TCAIM: variants seen among roughly 807,000 people sequenced by gnomAD.
TCAIM encodes the protein T-cell activation inhibitor, mitochondrial.
TCAIM carries 36 observed loss-of-function variants against 58.6 expected under a neutral mutation model. That is an observed-to-expected ratio of 0.61 (90% CI 0.47 to 0.81). The LOEUF (loss-of-function observed/expected upper bound fraction) is 0.81, where lower values mean the gene tolerates loss of function less well. Among genes scored for constraint, TCAIM ranks in the 30% least tolerant of loss-of-function variants. The pLI, the probability that TCAIM is intolerant of heterozygous loss-of-function variation, is 0.00. For synonymous variants in TCAIM, 172 were observed against 193.6 expected (o/e 0.89, Z 0.93); for missense variants, 466 against 579.6 (o/e 0.80, Z 2.01).
At chr3:44,376,024 G>A (rs548468002) in intron 5 of TCAIM, among the ~76,000 whole-genome samples, 149 of 152,292 alleles carry the variant, frequency 9.8e-4, no homozygotes, top group Middle Eastern at 3.4e-3. Context: ...TACTTACTAC[G>A]ACATGGATGA....
At chr3:44,340,071 A>G (rs1037831541) in intron 1 of TCAIM, 1 of 152,202 alleles carries the variant, frequency 6.6e-6, no homozygotes, top group South Asian at 2.1e-4. Flanking sequence ...CTATGTAAGA[A>G]TTTATCTGAA....
intron 4 of TCAIM, among the ~76,000 whole-genome samples, chr3:44,363,274 G>A (rs1380848573): frequency 1.3e-5 from 2 of 152,114 alleles, no homozygotes; most frequent in African/African-American, 4.8e-5. Flanking sequence ...GTTTTGATTT[G>A]TATACCACAT....
chr3:44,372,873 T>C (rs548810886), intron 5 of TCAIM, among the ~76,000 whole-genome samples: 2 of 152,258 alleles, frequency 1.3e-5, no homozygotes, highest in Non-Finnish European at 2.9e-5. Context: ...GGATTACAGG[T>C]GTGAGCCACT....
intron 6 of TCAIM, among the ~76,000 whole-genome samples, chr3:44,395,155 C>A (rs1415532301): frequency 6.6e-6 from 1 of 151,118 alleles, no homozygotes; most frequent in Non-Finnish European, 1.5e-5. Context: ...CCATTTTTAA[C>A]AAAAACAGCA....
At chr3:44,361,129 C>T (rs566739173) in intron 3 of TCAIM, among the ~76,000 whole-genome samples, 9 of 152,272 alleles carry the variant, frequency 5.9e-5, no homozygotes, top group Middle Eastern at 3.4e-3. Flanking sequence ...ACCATGTTTT[C>T]TTCTATTACT....
chr3:44,383,278 T>C (rs1310435999), intron 5 of TCAIM, among the ~76,000 whole-genome samples: 1 of 152,206 alleles, frequency 6.6e-6, no homozygotes, highest in African/African-American at 2.4e-5. Context: ...TTATTCACAA[T>C]AGCCAAAAGG....
At chr3:44,347,818 G>A (rs1470484427) in intron 1 of TCAIM, among the ~76,000 whole-genome samples, 1 of 152,082 alleles carries the variant, frequency 6.6e-6, no homozygotes, top group Non-Finnish European at 1.5e-5. Flanking sequence ...GGATGGTAAG[G>A]GGGTGCATGA....
intron 5 of TCAIM, among the ~76,000 whole-genome samples, chr3:44,380,672 A>G (rs1208941651): frequency 6.6e-6 from 1 of 152,164 alleles, no homozygotes; most frequent in Non-Finnish European, 1.5e-5. Flanking sequence ...TAGATATTAG[A>G]TAAACAAAAT....
intron 3 of TCAIM, among the ~76,000 whole-genome samples, chr3:44,360,405 A>G (rs916091832): frequency 6.6e-5 from 10 of 152,000 alleles, no homozygotes; most frequent in Admixed American, 5.9e-4. Flanking sequence ...ATCGAACTCA[A>G]AGTCCAGGGT....
At chr3:44,376,320 A>G (rs7629786) in intron 5 of TCAIM, among the ~76,000 whole-genome samples, 1,744 of 152,334 alleles carry the variant, frequency 0.011, 36 homozygotes, top group African/African-American at 0.04. Context: ...CAACAAAGCC[A>G]TTTTTAAAAA....
chr3:44,352,919 ACTT>A (rs1193472080), intron 1 of TCAIM, among the ~76,000 whole-genome samples: 41 of 101,368 alleles, frequency 4.0e-4, no homozygotes, highest in African/African-American at 1.2e-3. Flanking sequence ...TTTCAGATTG[ACTT>A]CTTTTTTTTT....
chr3:44,401,022 G>T, intron 9 of TCAIM, 181 bp from the exon 10 acceptor site: 2 of 844,910 alleles, frequency 2.4e-6, no homozygotes, highest in Non-Finnish European at 3.5e-6. Flanking sequence ...CAAGTAGGTC[G>T]TGATCTTCTG....
chr3:44,401,217 C>T lies in TCAIM; in HGVS notation c.1133C>T (p.Pro378Leu), dbSNP rs78688197. The T allele has an allele frequency of 6.2e-6, 10 of 1,613,722 alleles. No individual in the cohort carries two copies. In the African/African-American group the frequency reaches 1.3e-4, roughly 22 times the overall value. ...TTTTATTGCAGTGACAGATATGCTCCAAGCTTGCATGAACTCGGGCATTTT... is the reference window on the plus strand; with the variant it reads ...TTTTATTGCAGTGACAGATATGCTCTAAGCTTGCATGAACTCGGGCATTTT... Reference protein sequence around the residue: ...QMILNSDRYAPSLHELGHFNI... With the variant: ...QMILNSDRYALSLHELGHFNI... The change falls in exon 10 of 11, where the codon CCA becomes CTA. Residue 378 changes from proline (P) to leucine (L), a missense_variant. Coordinates refer to ENST00000342649, the MANE Select transcript of TCAIM (RefSeq NM_173826.4).
intron 4 of TCAIM, chr3:44,362,377 T>C: frequency 2.5e-6 from 1 of 400,840 alleles, no homozygotes; most frequent in Non-Finnish European, 4.4e-6. Context: ...GCCACTCACA[T>C]GGAAGATCCC....
At chr3:44,344,258 A>G (rs1700917866) in intron 1 of TCAIM, among the ~76,000 whole-genome samples, 1 of 151,950 alleles carries the variant, frequency 6.6e-6, no homozygotes, top group African/African-American at 2.4e-5. Context: ...TCACCTCCCA[A>G]AGTGCTATGA....
At chr3:44,379,055 G>T (rs999538281) in intron 5 of TCAIM, among the ~76,000 whole-genome samples, 7 of 150,548 alleles carry the variant, frequency 4.6e-5, no homozygotes, top group Admixed American at 1.3e-4. Flanking sequence ...AGCTGTTGGG[G>T]AGGCTGAGGC....
chr3:44,353,420 A>C (rs981689935), intron 1 of TCAIM, among the ~76,000 whole-genome samples: 1 of 152,168 alleles, frequency 6.6e-6, no homozygotes, highest in African/African-American at 2.4e-5. Flanking sequence ...CATAGTTTTC[A>C]GTTTGTTTTG....
At chr3:44,383,888 C>T (rs978135963) in intron 5 of TCAIM, among the ~76,000 whole-genome samples, 16 of 150,976 alleles carry the variant, frequency 1.1e-4, no homozygotes, top group African/African-American at 3.9e-4. Flanking sequence ...GCACTCTGAC[C>T]TGGGCAACAG....
At chr3:44,387,917 AAAAG>A (rs1219416050) in intron 5 of TCAIM, among the ~76,000 whole-genome samples, 3 of 152,176 alleles carry the variant, frequency 2.0e-5, no homozygotes, top group Non-Finnish European at 2.9e-5. Context: ...CTAAAATAAA[AAAAG>A]AAAGAAAATT....
Sources: gnomAD v4.1 joint callset for allele counts (sites outside exome capture counted in the v4.1 genomes callset) on GRCh38, gnomAD v4.1.1 for gene constraint, MANE v1.5 for transcripts, NCBI Gene and HGNC (gene_info 2026-07-23, HGNC 2026-07-21) for gene names.